The following TPST1 variants were observed in gnomAD, a reference collection of about 807,000 sequenced individuals.
TPST1 encodes protein-tyrosine sulfotransferase 1.
In TPST1, 20 loss-of-function variants were observed where a neutral mutation model predicts 34.8. The ratio of observed to expected loss-of-function variants is 0.57; its 90% CI spans 0.40 to 0.84. The LOEUF is 0.84. TPST1 is among the 40% of genes least tolerant of loss of function. The pLI, the probability that TPST1 is intolerant of heterozygous loss-of-function variation, is 0.00. For missense variants in TPST1, 353 were observed against 455.5 expected, an observed-to-expected ratio of 0.78 and a Z score of 2.05; for synonymous variants, 152 against 159.4, an observed-to-expected ratio of 0.95 and a Z score of 0.35.
chr7:66,358,066 A>G (rs1446849442), intron 5 of TPST1, among the ~76,000 whole-genome samples: 1 of 151,846 alleles, frequency 6.6e-6, no homozygotes, highest in Non-Finnish European at 1.5e-5. Flanking sequence ...CCTGGGTGAC[A>G]AGAGAGAGAC....
intron 1 of TPST1, among the ~76,000 whole-genome samples, chr7:66,229,221 C>T (rs1023767158): frequency 1.3e-5 from 2 of 152,114 alleles, no homozygotes; most frequent in African/African-American, 4.8e-5. Context: ...CACCATTGTC[C>T]TGCCTCAGCC....
rs576752769 is a variant in TPST1 at position 66,220,047 on chromosome 7, G to GA, written c.-102+14534dup. 6.1e-5 allele frequency among the ~76,000 whole-genome samples: 9 copies of GA among 148,712 alleles called. No homozygotes were observed. The East Asian group carries it at 9.8e-4, about 16-fold the overall frequency. On this transcript the variant is annotated intron_variant, in intron 1 of 5. Coordinates refer to ENST00000304842, the MANE Select transcript of TPST1 (RefSeq NM_003596.4). ...TGGATTAGAAGAGCAAGGGTCAAAG[G>GA]AAAAAAAAAGGAGGTGAACTCTGTA... is the stretch of plus-strand genomic sequence containing the variant.
At chr7:66,297,881 T>G (rs1057148226) in intron 3 of TPST1, among the ~76,000 whole-genome samples, 7 of 152,230 alleles carry the variant, frequency 4.6e-5, no homozygotes, top group African/African-American at 1.7e-4. Flanking sequence ...AGCATGCTTA[T>G]TCACCCAGTT....
chr7:66,318,743 C>CGT (rs1409729284), intron 3 of TPST1, among the ~76,000 whole-genome samples: 2 of 152,072 alleles, frequency 1.3e-5, no homozygotes, highest in African/African-American at 2.4e-5. Flanking sequence ...GGAGTATAGG[C>CGT]GTGAGCCACC....
At chr7:66,200,460 C>T (rs927980335), upstream of TPST1, among the ~76,000 whole-genome samples, 1 of 143,986 alleles carries the variant, frequency 6.9e-6, no homozygotes, top group African/African-American at 2.6e-5. Flanking sequence ...CGCTCTGTCA[C>T]CCAGGCTGGA....
chr7:66,252,908 G>T (rs1421911497), intron 2 of TPST1, among the ~76,000 whole-genome samples: 1 of 152,096 alleles, frequency 6.6e-6, no homozygotes, highest in African/African-American at 2.4e-5. Context: ...TGTGTGAGGT[G>T]CAGATTCATT....
At chr7:66,261,525 A>G (rs546208967) in intron 2 of TPST1, among the ~76,000 whole-genome samples, 17 of 152,228 alleles carry the variant, frequency 1.1e-4, no homozygotes, top group African/African-American at 3.4e-4. Flanking sequence ...GCTGATGGCT[A>G]TGTGTGTTAT....
intron 3 of TPST1, among the ~76,000 whole-genome samples, chr7:66,322,700 G>C (rs989423418): frequency 6.6e-6 from 1 of 152,200 alleles, no homozygotes; most frequent in Non-Finnish European, 1.5e-5. Flanking sequence ...ATGATGTGCA[G>C]ATATCTCTTT....
At chr7:66,296,676 GTTTTTTTT>G (rs55888171) in intron 3 of TPST1, among the ~76,000 whole-genome samples, 20 of 92,142 alleles carry the variant, frequency 2.2e-4, no homozygotes, top group Non-Finnish European at 3.4e-4. Flanking sequence ...TACTGGGTTG[GTTTTTTTT>G]TTTTTTTTTT....
At chr7:66,276,592 G>T (rs771282703) in intron 2 of TPST1, among the ~76,000 whole-genome samples, 2 of 151,418 alleles carry the variant, frequency 1.3e-5, no homozygotes, top group African/African-American at 2.4e-5. Flanking sequence ...ATCTTTGAAG[G>T]CATTCTATTT....
intron 1 of TPST1, among the ~76,000 whole-genome samples, chr7:66,221,128 G>A (rs1457693070): frequency 5.6e-5 from 8 of 142,022 alleles, no homozygotes; most frequent in African/African-American, 1.2e-4. Context: ...GTGAGACTCC[G>A]TCTTAAAAAA....
intron 3 of TPST1, among the ~76,000 whole-genome samples, chr7:66,306,128 C>G (rs1791418204): frequency 6.6e-6 from 1 of 152,104 alleles, no homozygotes; most frequent in Non-Finnish European, 1.5e-5. Context: ...ACTGGACTGG[C>G]TGGAGTGTGC....
intron 3 of TPST1, among the ~76,000 whole-genome samples, chr7:66,324,800 C>CAAA (rs56389964): frequency 1.1e-3 from 117 of 109,206 alleles, no homozygotes; most frequent in African/African-American, 1.4e-3. Flanking sequence ...GACTCTGTCT[C>CAAA]AAAAAAAAAA....
chr7:66,212,479 A>G (rs1789284185), intron 1 of TPST1, among the ~76,000 whole-genome samples: 3 of 141,952 alleles, frequency 2.1e-5, no homozygotes, highest in South Asian at 4.3e-4. Flanking sequence ...TTTTTTTTTG[A>G]GACAGAGTCC....
At chr7:66,303,391 G>GTGTGTATGTATGTATGTATGTA (rs147490083) in intron 3 of TPST1, among the ~76,000 whole-genome samples, 2 of 150,164 alleles carry the variant, frequency 1.3e-5, no homozygotes, top group East Asian at 2.0e-4. Flanking sequence ...ACAGCTGTGT[G>GTGTGTATGTATGTATGTATGTA]TGTATGTATG....
At chr7:66,207,368 A>T (rs1462084498) in intron 1 of TPST1, among the ~76,000 whole-genome samples, 1 of 152,202 alleles carries the variant, frequency 6.6e-6, no homozygotes, top group Non-Finnish European at 1.5e-5. Flanking sequence ...AGGAGAGGTC[A>T]TTTTTGTCTG....
intron 3 of TPST1, among the ~76,000 whole-genome samples, chr7:66,305,601 T>C (rs944799833): frequency 6.6e-6 from 1 of 152,198 alleles, no homozygotes; most frequent in Non-Finnish European, 1.5e-5. Context: ...GCCTTACTTG[T>C]CTTTGGCTAA....
chr7:66,235,587 A>G (rs978894906), intron 1 of TPST1, among the ~76,000 whole-genome samples: 4 of 152,122 alleles, frequency 2.6e-5, no homozygotes, highest in South Asian at 2.1e-4. Context: ...AAAAAGCTGT[A>G]TTGAAGTGTA....
intron 1 of TPST1, among the ~76,000 whole-genome samples, chr7:66,222,307 C>T (rs960603648): frequency 6.6e-6 from 1 of 151,926 alleles, no homozygotes; most frequent in African/African-American, 2.4e-5. Context: ...ATGGCATGAA[C>T]CCCGGGAGGT....
Sources: allele counts gnomAD v4.1 joint callset (sites outside exome capture counted in the v4.1 genomes callset), GRCh38; gene constraint gnomAD v4.1.1; transcripts MANE v1.5; gene names NCBI Gene and HGNC (gene_info 2026-07-23, HGNC 2026-07-21).